The following CAP1 variants were observed in gnomAD, a reference collection of about 807,000 sequenced individuals.
CAP1 encodes the protein cyclase associated actin cytoskeleton regulatory protein 1, also known as adenylyl cyclase-associated protein 1.
In CAP1, 11 loss-of-function variants were observed where a neutral mutation model predicts 58.2. The ratio of observed to expected loss-of-function variants is 0.19; its 90% CI spans 0.12 to 0.31. The LOEUF is 0.31. Ranked by LOEUF, CAP1 falls within the 10% of genes least tolerant of loss-of-function variation. CAP1 has a pLI of 1.00. For missense variants in CAP1, 423 were observed against 587.5 expected (o/e 0.72, Z 2.89); for synonymous variants, 183 against 213.8 (o/e 0.86, Z 1.26).
chr1:40,046,847 A>T, intron 1 of CAP1, among the ~76,000 whole-genome samples: 1 of 149,022 alleles, frequency 6.7e-6, no homozygotes, highest in East Asian at 2.0e-4. Flanking sequence ...ATCTTGGCTC[A>T]CTGCAACCCC....
At chr1:40,044,827 C>CTATCTGTCACCCAGGCTGGAGTGCAG (rs1646011642) in intron 1 of CAP1, among the ~76,000 whole-genome samples, 1 of 113,746 alleles carries the variant, frequency 8.8e-6, no homozygotes, top group Non-Finnish European at 1.7e-5. Context: ...GACAGAGTCT[C>CTATCTGTCACCCAGGCTGGAGTGCAG]TATCTGTCAC....
At chr1:40,056,076 A>AT (rs1223483939) in intron 1 of CAP1, among the ~76,000 whole-genome samples, 1 of 152,182 alleles carries the variant, frequency 6.6e-6, no homozygotes, top group Non-Finnish European at 1.5e-5. Flanking sequence ...GCTTATAGTC[A>AT]CAAAGCCACT....
Position 40,059,997 on chromosome 1 carries a change from T to C in CAP1, c.113-70T>C, listed in dbSNP as rs1646779357. On this transcript the variant is annotated intron_variant, in intron 2 of 12. Transcript: ENST00000372805. ...GTATTACCTTGCCTCCCCACTTTCA[T>C]GTAGAAGCACGTTTTAAAGAAGCCT... 2.3e-6 allele frequency: 3 copies of C among 1,298,864 alleles called. No homozygotes were observed. The Admixed American group carries it at 5.2e-5, about 23-fold the overall frequency. The allele number at this position is 1,298,864 out of a possible 1,614,324, so 80.5% of individuals were successfully genotyped here.
intron 1 of CAP1, among the ~76,000 whole-genome samples, chr1:40,051,725 G>A (rs975795022): frequency 6.6e-6 from 1 of 151,540 alleles, no homozygotes; most frequent in African/African-American, 2.4e-5. Context: ...ATAGGCCCCT[G>A]CCACCGTGCC....
intron 8 of CAP1, chr1:40,069,436 G>C (rs1026565294): frequency 3.1e-6 from 1 of 324,224 alleles, no homozygotes; most frequent in African/African-American, 2.2e-5. Flanking sequence ...TCTAGACATA[G>C]AGGATAAGGA....
intron 3 of CAP1, 56 bp from the exon 4 acceptor site, chr1:40,061,679 A>T: frequency 7.0e-7 from 1 of 1,437,724 alleles, no homozygotes; most frequent in South Asian, 1.1e-5. Flanking sequence ...GGTTATTCTT[A>T]TCAAGACTTC....
chr1:40,055,894 C>T (rs1169719968), intron 1 of CAP1, among the ~76,000 whole-genome samples: 1 of 152,146 alleles, frequency 6.6e-6, no homozygotes, highest in East Asian at 1.9e-4. Flanking sequence ...ATTTTGATGA[C>T]TGATAAGATG....
intron 1 of CAP1, chr1:40,057,415 A>G (rs1486587886): frequency 1.3e-5 from 2 of 152,174 alleles, no homozygotes; most frequent in African/African-American, 2.4e-5. Context: ...AAGTATGTTG[A>G]CTGCTTATGG....
Position 40,072,254 on chromosome 1 carries a change from A to T in CAP1, c.*721A>T. On this transcript the variant is annotated 3_prime_UTR_variant, in exon 13 of 13. Coordinates refer to ENST00000372805, the MANE Select transcript of CAP1 (RefSeq NM_006367.4). ...TCCTATAGAGATGACTTTAAAAGGAAAAAAAAAAAAAAAAAAACCCACATG... is the reference window on the plus strand; with the variant it reads ...TCCTATAGAGATGACTTTAAAAGGATAAAAAAAAAAAAAAAAACCCACATG... 4 of 231,100 alleles carry T rather than the reference A, an allele frequency of 1.7e-5. No homozygotes were observed. The highest frequency in any genetic ancestry group is 2.2e-5 in the Non-Finnish European group (3 of 135,008). The allele number at this position is 231,100 out of a possible 1,614,324, so 14.3% of individuals were successfully genotyped here. A position where few individuals can be genotyped will look rare whatever the true frequency, so the allele number is the denominator to read the frequency against.
At chr1:40,062,996 TA>T (rs1350059950) in intron 4 of CAP1, among the ~76,000 whole-genome samples, 57 of 151,710 alleles carry the variant, frequency 3.8e-4, no homozygotes, top group African/African-American at 9.2e-4. Context: ...TATTTATGTT[TA>T]AAAAAAAATT....
chr1:40,051,113 T>C (rs1183254672), intron 1 of CAP1, among the ~76,000 whole-genome samples: 1 of 152,212 alleles, frequency 6.6e-6, no homozygotes, highest in African/African-American at 2.4e-5. Context: ...CCAGTCCTCA[T>C]TGATTTCCTC....
At chr1:40,066,843 G>C (rs1414427434) in intron 7 of CAP1, among the ~76,000 whole-genome samples, 1 of 152,186 alleles carries the variant, frequency 6.6e-6, no homozygotes, top group African/African-American at 2.4e-5. Context: ...TGTAGAGATT[G>C]GTCATCTCTG....
At position 40,070,448 on chromosome 1, in the gene CAP1, G is replaced by GC. The variant is rs1443964406; in HGVS notation, c.1138dup (p.Leu380ProfsTer5). 2 of 1,613,954 alleles carry GC rather than the reference G, an allele frequency of 1.2e-6. No individual in the cohort carries two copies. Among genetic ancestry groups the GC allele is most frequent in the Non-Finnish European group, 1.7e-6 (2 of 1,179,908 alleles). ...CTCCTAGATAACTGTAAGAAACTTG[G>GC]CCTGGTATTCGATGACGTGGTGGGC... On this transcript the variant is annotated frameshift_variant, in exon 11 of 13. Transcript: ENST00000372805. LOFTEE classifies it high-confidence loss of function.
intron 9 of CAP1, 86 bp from the exon 10 acceptor site, chr1:40,070,073 G>A (rs1647567223): frequency 6.3e-7 from 1 of 1,579,498 alleles, no homozygotes; most frequent in East Asian, 2.2e-5. Flanking sequence ...GGCTTCAATT[G>A]CAAGAACAAA....
At position 40,071,778 on chromosome 1, in the gene CAP1, A is replaced by C. The variant is rs1335801949; in HGVS notation, c.*245A>C. ...ATCAGCTCAACCACGCCGCCAGTCC[A>C]TTCTTAAGGAACTGCCGACTAGGAC... is the stretch of plus-strand genomic sequence containing the variant. On this transcript the variant is annotated 3_prime_UTR_variant, in exon 13 of 13. Coordinates refer to ENST00000372805, the MANE Select transcript of CAP1 (RefSeq NM_006367.4). 1 of 546,628 alleles carries C rather than the reference A, an allele frequency of 1.8e-6. No individual in the cohort carries two copies. The highest frequency in any genetic ancestry group is 2.9e-5 in the East Asian group (1 of 34,528). The allele number at this position is 546,628 out of a possible 1,614,324, so 33.9% of individuals were successfully genotyped here. A position where few individuals can be genotyped will look rare whatever the true frequency, so the allele number is the denominator to read the frequency against.
intron 1 of CAP1, among the ~76,000 whole-genome samples, chr1:40,058,870 T>G (rs1448636862): frequency 6.6e-6 from 1 of 152,144 alleles, no homozygotes. Context: ...AGTACTGGCT[T>G]CTCTATTCAC....
chr1:40,060,437 A>G (rs938775290), intron 3 of CAP1, among the ~76,000 whole-genome samples: 1 of 152,122 alleles, frequency 6.6e-6, no homozygotes, highest in African/African-American at 2.4e-5. Flanking sequence ...TCATCTTTGT[A>G]GTGAAGAATA....
intron 6 of CAP1, among the ~76,000 whole-genome samples, chr1:40,065,399 GCCTTT>G (rs1647027450): frequency 6.6e-6 from 1 of 152,212 alleles, no homozygotes; most frequent in Non-Finnish European, 1.5e-5. Flanking sequence ...ATCTACACAA[GCCTTT>G]CCTTTCTTCC....
chr1:40,065,507 C>T (rs1647030997), intron 6 of CAP1, among the ~76,000 whole-genome samples: 1 of 152,236 alleles, frequency 6.6e-6, no homozygotes, highest in Non-Finnish European at 1.5e-5. Flanking sequence ...ACAACAGGCA[C>T]TTCCTTATCC....
Sources: allele counts gnomAD v4.1 joint callset (sites outside exome capture counted in the v4.1 genomes callset), GRCh38; gene constraint gnomAD v4.1.1; transcripts MANE v1.5; gene names NCBI Gene and HGNC (gene_info 2026-07-23, HGNC 2026-07-21).